IL6: variants seen among roughly 807,000 people sequenced by gnomAD.
IL6 encodes the protein interleukin-6.
A neutral mutation model predicts 18.0 loss-of-function variants in IL6; 5 were observed. That is an observed-to-expected ratio of 0.28 (90% CI 0.15 to 0.58). The LOEUF is 0.58. Ranked by LOEUF, IL6 falls within the 20% of genes least tolerant of loss-of-function variation. The pLI is 0.90. For missense variants in IL6, 266 were observed against 251.0 expected (o/e 1.06, Z -0.40); for synonymous variants, 97 against 95.1 (o/e 1.02, Z -0.12).
At chr7:22,730,552 T>G (rs535975795) in intron 4 of IL6, among the ~76,000 whole-genome samples, 1 of 152,086 alleles carries the variant, frequency 6.6e-6, no homozygotes, top group Admixed American at 6.5e-5. Flanking sequence ...TTTCAACAGA[T>G]CCTAAAGGGA....
In IL6 at chr7:22,731,603, G is replaced by C; in HGVS notation, c.*30G>C. ...GGCACCTCAGATTGTTGTTGTTAAT[G>C]GGCATTCCTTCTTCTGGTCAGAAAC... On this transcript the variant is annotated 3_prime_UTR_variant, in exon 5 of 5. Transcript: ENST00000258743. 2 of 1,533,646 alleles carry C rather than the reference G, an allele frequency of 1.3e-6. No homozygotes were observed. Among genetic ancestry groups the C allele is most frequent in the Non-Finnish European group, 1.8e-6 (2 of 1,127,760 alleles).
At chr7:22,729,392 A>C in intron 3 of IL6, 122 bp from the exon 4 acceptor site, 1 of 853,736 alleles carries the variant, frequency 1.2e-6, no homozygotes, top group Non-Finnish European at 1.9e-6. Flanking sequence ...ATGCTGCCTA[A>C]GAGGTACTTG....
chr7:22,727,846 G>T (rs1287341029), intron 2 of IL6, among the ~76,000 whole-genome samples: 1 of 152,166 alleles, frequency 6.6e-6, no homozygotes, highest in Non-Finnish European at 1.5e-5. Flanking sequence ...TGCAGAATGG[G>T]TCTGAAATCC....
intron 4 of IL6, 33 bp downstream of exon 4, chr7:22,729,693 G>A (rs773431914): frequency 1.5e-5 from 25 of 1,614,096 alleles, no homozygotes; most frequent in Non-Finnish European, 2.0e-5. Context: ...AACTTGGTGT[G>A]GGGGAAGACA....
At chr7:22,728,635 C>T in intron 2 of IL6, 58 bp from the exon 3 acceptor site, 1 of 946,458 alleles carries the variant, frequency 1.1e-6, no homozygotes, top group Non-Finnish European at 1.7e-6. Flanking sequence ...AAAAGGCCCT[C>T]TAGTGGTGTT....
intron 2 of IL6, 149 bp downstream of exon 2, chr7:22,727,783 C>G: frequency 1.2e-6 from 1 of 800,186 alleles, no homozygotes. Context: ...ACTAGACTGA[C>G]TTCTGTATTT....
At position 22,730,166 on chromosome 7, in the gene IL6, C is replaced by T. The variant is rs1784099722; in HGVS notation, c.471+506C>T. 2.0e-6 allele frequency: 2 copies of T among 985,252 alleles called. 1 individual carries two copies. Among genetic ancestry groups the T allele is most frequent in the African/African-American group, 3.5e-5 (2 of 57,222 alleles). The allele number at this position is 985,252 out of a possible 1,614,324, so 61.0% of individuals were successfully genotyped here. ...AAGAGGTACCAAAGGCTTTGGCCAC[C>T]AGTAGCTGGCTATTCAGACAGCAGG... On this transcript the variant is annotated intron_variant, in intron 4 of 4. Transcript: ENST00000258743.
intron 4 of IL6, chr7:22,730,247 A>G (rs1481643155): frequency 1.0e-6 from 1 of 985,300 alleles, no homozygotes; most frequent in African/African-American, 1.7e-5. Context: ...GAAGGGGCCT[A>G]GAATGAAACC....
intron 4 of IL6, among the ~76,000 whole-genome samples, chr7:22,730,640 G>A (rs536848591): frequency 1.3e-5 from 2 of 152,118 alleles, no homozygotes; most frequent in South Asian, 4.1e-4. Context: ...TTTAAGTATG[G>A]GCTCTTCATT....
At position 22,729,593 on chromosome 7, in the gene IL6, G is replaced by C. The variant is rs1339344996; in HGVS notation, c.404G>C (p.Ser135Thr). 1.2e-6 allele frequency: 2 copies of C among 1,614,042 alleles called. No individual in the cohort carries two copies. Among genetic ancestry groups the C allele is most frequent in the Non-Finnish European group, 1.7e-6 (2 of 1,180,018 alleles). The part of the protein sequence containing the change: ...YLEYLQNRFE[S>T]SEEQARAVQM... ...GAGTACCTCCAGAACAGATTTGAGAGTAGTGAGGAACAAGCCAGAGCTGTG... is the reference window on the plus strand; with the variant it reads ...GAGTACCTCCAGAACAGATTTGAGACTAGTGAGGAACAAGCCAGAGCTGTG... Residue 135 changes from serine (S) to threonine (T), a missense_variant, in exon 4 of 5, where the codon AGT (serine) becomes ACT (threonine). Transcript: ENST00000258743.
intron 2 of IL6, 135 bp downstream of exon 2, chr7:22,727,769 G>C (rs1784041487): frequency 3.2e-6 from 3 of 926,242 alleles, no homozygotes; most frequent in Non-Finnish European, 4.7e-6. Context: ...GGCCAACGGG[G>C]CCGACTAGAC....
At position 22,729,837 on chromosome 7, in the gene IL6, G is replaced by T. The variant is rs887719765; in HGVS notation, c.471+177G>T. On this transcript the variant is annotated intron_variant, in intron 4 of 4. Coordinates refer to ENST00000258743, the MANE Select transcript of IL6 (RefSeq NM_000600.5). ...AAATCTTTTTTTGTTTGTTTGGTTG[G>T]TTGGCTCTCTTCTGCAAAGGACATC... The T allele has an allele frequency of 4.6e-6, 7 of 1,506,588 alleles. No homozygotes were observed. The African/African-American group carries it at 7.0e-5, about 15-fold the overall frequency. 93.3% of individuals were successfully genotyped at this position (1,506,588 alleles called of 1,614,324 possible). A position where few individuals can be genotyped will look rare whatever the true frequency, so the allele number is the denominator to read the frequency against.
intron 4 of IL6, chr7:22,730,171 G>C (rs1159664289): frequency 7.1e-6 from 7 of 985,316 alleles, no homozygotes; most frequent in Non-Finnish European, 7.2e-6. Flanking sequence ...GCCACCAGTA[G>C]CTGGCTATTC....
intron 2 of IL6, 106 bp downstream of exon 2, chr7:22,727,740 T>C: frequency 7.8e-7 from 1 of 1,277,930 alleles, no homozygotes. Flanking sequence ...TGCTGGGTTC[T>C]AGAGCACTGT....
chr7:22,728,042 T>C (rs924789278), intron 2 of IL6, among the ~76,000 whole-genome samples: 1 of 152,182 alleles, frequency 6.6e-6, no homozygotes, highest in Non-Finnish European at 1.5e-5. Context: ...GTAAACTCAA[T>C]GGCTAGGATT....
At chr7:22,730,125 G>A in intron 4 of IL6, 1 of 985,396 alleles carries the variant, frequency 1.0e-6, no homozygotes, top group South Asian at 4.7e-5. Flanking sequence ...GAAATGGTCA[G>A]AGACTCAAGG....
chr7:22,728,765 A>T lies in IL6; in HGVS notation c.283A>T (p.Met95Leu). 6.2e-7 allele frequency: 1 copy of T among 1,613,188 alleles called. No homozygotes were observed. The highest frequency in any genetic ancestry group is 1.1e-5 in the South Asian group (1 of 91,076). ...AGAAAACAACCTGAACCTTCCAAAG[A>T]TGGCTGAAAAAGATGGATGCTTCCA... is the stretch of plus-strand genomic sequence containing the variant. ...LAENNLNLPKMAEKDGCFQSG... is the reference protein window; with the variant it reads ...LAENNLNLPKLAEKDGCFQSG... Residue 95 changes from methionine to leucine, a missense_variant, in exon 3 of 5, where the codon ATG (methionine) becomes TTG (leucine). Physicochemically the swap from Met to Leu is conservative, Grantham distance 15. Coordinates refer to ENST00000258743, the MANE Select transcript of IL6 (RefSeq NM_000600.5).
intron 4 of IL6, among the ~76,000 whole-genome samples, chr7:22,730,950 G>T (rs1222082306): frequency 6.6e-6 from 1 of 152,060 alleles, no homozygotes; most frequent in African/African-American, 2.4e-5. Context: ...TTAGAAGTTG[G>T]TTGCTGTGAG....
chr7:22,730,993 T>C (rs1205505139), intron 4 of IL6, among the ~76,000 whole-genome samples: 2 of 152,106 alleles, frequency 1.3e-5, no homozygotes, highest in African/African-American at 4.8e-5. Flanking sequence ...CCCAGCGCTA[T>C]GGGAGGCTGA....
Sources: allele counts gnomAD v4.1 joint callset (sites outside exome capture counted in the v4.1 genomes callset), GRCh38; gene constraint gnomAD v4.1.1; transcripts MANE v1.5; gene names NCBI Gene and HGNC (gene_info 2026-07-23, HGNC 2026-07-21).